Variants in ARMC3 observed in about 807,000 individuals in gnomAD.
The protein encoded by ARMC3 is armadillo repeat-containing protein 3.
Under a neutral mutation model 90.3 loss-of-function variants are expected in ARMC3, and 74 were observed. The ratio of observed to expected loss-of-function variants is 0.82; its 90% confidence interval spans 0.68 to 0.99. ARMC3 has a LOEUF of 0.99. ARMC3 is among the 50% of genes least tolerant of loss of function. The pLI, the probability that ARMC3 is intolerant of heterozygous loss-of-function variation, is 0.00. For synonymous variants in ARMC3, 334 were observed against 361.8 expected (o/e 0.92, Z 0.87); for missense variants, 958 against 1,042.8 (o/e 0.92, Z 1.12).
intron 14 of ARMC3, among the ~76,000 whole-genome samples, chr10:23,007,493 T>A (rs1786289084): frequency 6.6e-6 from 1 of 151,626 alleles, no homozygotes; most frequent in South Asian, 2.1e-4. Context: ...GATCACGAGG[T>A]CAAGAGATCG....
chr10:23,035,070 G>A (rs1839073469), intron 18 of ARMC3, among the ~76,000 whole-genome samples: 1 of 152,172 alleles, frequency 6.6e-6, no homozygotes, highest in South Asian at 2.1e-4. Context: ...AGGCTGGGAA[G>A]TCCAAGATCA....
chr10:22,973,749 C>CTTCCTTT (rs1835782411), intron 8 of ARMC3, among the ~76,000 whole-genome samples: 1 of 109,658 alleles, frequency 9.1e-6, no homozygotes, highest in African/African-American at 3.9e-5. Context: ...TTTTCTTTGT[C>CTTCCTTT]TTTCTTTTTT....
intron 16 of ARMC3, among the ~76,000 whole-genome samples, chr10:23,018,656 A>G (rs1380041667): frequency 3.3e-5 from 5 of 151,620 alleles, no homozygotes; most frequent in Non-Finnish European, 5.9e-5. Context: ...AGCTGGGACT[A>G]CAGGTGCCTG....
intron 10 of ARMC3, among the ~76,000 whole-genome samples, chr10:22,991,731 A>C (rs1836717979): frequency 6.6e-6 from 1 of 152,210 alleles, no homozygotes; most frequent in African/African-American, 2.4e-5. Context: ...TTGTTAAGGA[A>C]GGGCTCTCTG....
Position 23,037,445 on chromosome 10 carries a change from G to T in ARMC3, c.2585G>T (p.Arg862Ile). The T allele has an allele frequency of 6.2e-7, 1 of 1,614,046 alleles. No individual in the cohort carries two copies. Among genetic ancestry groups the T allele is most frequent in the Non-Finnish European group, 8.5e-7 (1 of 1,179,930 alleles). The change falls in exon 19 of 19, where the codon AGA becomes ATA. Residue 862 changes from arginine to isoleucine, a missense_variant. Arg to Ile is a moderately conservative substitution (Grantham distance 97, BLOSUM62 -3). Transcript: ENST00000298032. ...MFHPGGLMKL[R>I]SREADLYRFI is the part of the protein sequence containing the mutation. The stretch of plus-strand genomic sequence containing the variant: ...CATCCAGGTGGACTGATGAAGTTGA[G>T]AAGTCGAGAGGCTGATCTTTACAGA...
intron 16 of ARMC3, among the ~76,000 whole-genome samples, chr10:23,018,359 G>A (rs866993321): frequency 4.6e-5 from 7 of 152,098 alleles, no homozygotes; most frequent in Middle Eastern, 3.2e-3. Context: ...TTCTCATTTC[G>A]TTCATTTTTA....
intron 2 of ARMC3, among the ~76,000 whole-genome samples, chr10:22,933,202 A>C (rs187307405): frequency 3.3e-5 from 5 of 152,168 alleles, no homozygotes; most frequent in Admixed American, 3.3e-4. Context: ...TGATCTCATG[A>C]TGTTTCATCA....
chr10:23,024,423 CAGAT>C (rs1190222526), intron 16 of ARMC3, among the ~76,000 whole-genome samples: 3 of 103,238 alleles, frequency 2.9e-5, no homozygotes, highest in Non-Finnish European at 4.6e-5. Flanking sequence ...GATAGATAGA[CAGAT>C]AGATAGATAC....
chr10:22,949,272 T>G (rs1238506020), intron 3 of ARMC3, among the ~76,000 whole-genome samples: 1 of 151,862 alleles, frequency 6.6e-6, no homozygotes, highest in Non-Finnish European at 1.5e-5. Flanking sequence ...TTACCAGGCA[T>G]GAAAAAAAGC....
chr10:22,973,752 TC>T (rs1826835232), intron 8 of ARMC3, among the ~76,000 whole-genome samples: 1 of 138,606 alleles, frequency 7.2e-6, no homozygotes, highest in Admixed American at 7.1e-5. Context: ...TCTTTGTCTT[TC>T]TTTTTTTTTT....
chr10:23,025,990 T>C (rs1838702183), intron 16 of ARMC3, among the ~76,000 whole-genome samples: 1 of 152,110 alleles, frequency 6.6e-6, no homozygotes, highest in Admixed American at 6.5e-5. Flanking sequence ...ATGCAATGAA[T>C]GGACCAATTA....
chr10:22,968,121 G>GACAGGGC (rs767110231), intron 7 of ARMC3, among the ~76,000 whole-genome samples, 185 bp from the exon 8 acceptor site: 7 of 152,156 alleles, frequency 4.6e-5, no homozygotes, highest in Non-Finnish European at 5.9e-5. Flanking sequence ...AAGGAGAAAA[G>GACAGGGC]ACAGGGCACA....
Position 22,961,912 on chromosome 10 carries a change from A to G in ARMC3, c.566A>G (p.Glu189Gly), listed in dbSNP as rs373582466. Residue 189 changes from glutamate to glycine, a missense_variant, in exon 7 of 19, where the codon GAA becomes GGA. Transcript: ENST00000298032. ...QDFQCRAKLQ[E>G]LNAIPPILDL... is the part of the protein sequence containing the mutation. The stretch of plus-strand genomic sequence containing the variant: ...TTTCAGTGTCGAGCTAAACTTCAAG[A>G]ACTAAATGCAATACCTCCTATCTTA... 95 of 1,607,026 alleles carry G rather than the reference A, an allele frequency of 5.9e-5. 3 individuals are homozygous for G. In the South Asian group the frequency reaches 1.0e-3, roughly 17 times the overall value.
intron 13 of ARMC3, among the ~76,000 whole-genome samples, chr10:23,005,633 G>A (rs1837565437): frequency 6.6e-6 from 1 of 152,200 alleles, no homozygotes; most frequent in Non-Finnish European, 1.5e-5. Flanking sequence ...GGGAGGCCGA[G>A]GCGGGTGGAT....
chr10:23,011,644 A>G (rs1034825637), intron 16 of ARMC3, among the ~76,000 whole-genome samples: 14 of 152,116 alleles, frequency 9.2e-5, no homozygotes, highest in African/African-American at 3.4e-4. Flanking sequence ...CTCCACCTGC[A>G]TGGTAACTTA....
intron 7 of ARMC3, among the ~76,000 whole-genome samples, chr10:22,966,341 A>G (rs1835438604): frequency 6.6e-6 from 1 of 152,238 alleles, no homozygotes; most frequent in African/African-American, 2.4e-5. Flanking sequence ...TGAGGAATGC[A>G]CTGTATTTAA....
intron 3 of ARMC3, among the ~76,000 whole-genome samples, chr10:22,955,551 G>A: frequency 6.6e-6 from 1 of 152,166 alleles, no homozygotes; most frequent in Non-Finnish European, 1.5e-5. Flanking sequence ...TAGGGTGATT[G>A]CGGGGGACTG....
intron 3 of ARMC3, 111 bp from the exon 4 acceptor site, chr10:22,955,696 C>A: frequency 2.2e-6 from 3 of 1,343,826 alleles, no homozygotes; most frequent in Non-Finnish European, 2.0e-6. Context: ...GAACGGAAGC[C>A]AAGAGTAATG....
intron 16 of ARMC3, among the ~76,000 whole-genome samples, chr10:23,023,629 C>A (rs990093441): frequency 6.6e-6 from 1 of 151,952 alleles, no homozygotes; most frequent in Admixed American, 6.6e-5. Context: ...TAGAAAATTT[C>A]AACAACAAAA....
Sources: gnomAD v4.1 joint callset for allele counts (sites outside exome capture counted in the v4.1 genomes callset) on GRCh38, gnomAD v4.1.1 for gene constraint, MANE v1.5 for transcripts, NCBI Gene and HGNC (gene_info 2026-07-23, HGNC 2026-07-21) for gene names.